FLNB: variants seen among roughly 807,000 people sequenced by gnomAD.
The protein encoded by FLNB is filamin B.
In FLNB, 111 loss-of-function variants were observed where a neutral mutation model predicts 250.6. That is an observed-to-expected ratio of 0.44 (90% confidence interval 0.38 to 0.52). The LOEUF is 0.52. FLNB is among the 20% of genes least tolerant of loss of function. FLNB has a pLI of 0.00. For missense variants in FLNB, 2,869 were observed against 3,447.8 expected, an observed-to-expected ratio of 0.83 and a Z score of 4.20; for synonymous variants, 1,302 against 1,372.1, an observed-to-expected ratio of 0.95 and a Z score of 1.13.
chr3:58,086,065 G>A (rs2097216871), intron 4 of FLNB, among the ~76,000 whole-genome samples: 1 of 151,930 alleles, frequency 6.6e-6, no homozygotes, highest in South Asian at 2.1e-4. Context: ...ATGCCATCAC[G>A]GCTAACTGCA....
chr3:58,167,552 G>C (rs934992289), intron 43 of FLNB, among the ~76,000 whole-genome samples: 2 of 152,260 alleles, frequency 1.3e-5, no homozygotes, highest in Non-Finnish European at 2.9e-5. Flanking sequence ...GGGCACTGTA[G>C]CAGGCATGCG....
At chr3:58,095,551 C>T (rs1171336717) in intron 5 of FLNB, among the ~76,000 whole-genome samples, 2 of 152,198 alleles carry the variant, frequency 1.3e-5, no homozygotes, top group Non-Finnish European at 2.9e-5. Context: ...CCACCGTGCC[C>T]AGCCTCAGTT....
intron 34 of FLNB, among the ~76,000 whole-genome samples, chr3:58,147,480 A>G (rs977769914): frequency 1.3e-5 from 2 of 152,168 alleles, no homozygotes; most frequent in African/African-American, 4.8e-5. Context: ...TGCTGTGTTC[A>G]GGTTATGCTT....
chr3:58,054,275 A>T (rs1472366593), intron 1 of FLNB, among the ~76,000 whole-genome samples: 1 of 152,226 alleles, frequency 6.6e-6, no homozygotes, highest in Non-Finnish European at 1.5e-5. Flanking sequence ...AATCAAATTT[A>T]AAATTAAGCT....
chr3:58,119,967 T>A (rs1576752358), intron 19 of FLNB, among the ~76,000 whole-genome samples: 1 of 152,266 alleles, frequency 6.6e-6, no homozygotes, highest in East Asian at 1.9e-4. Context: ...CTGTGTTTAC[T>A]GCTGAGTGGC....
chr3:58,107,011 A>ATTTGTTTGTTTGTTTG, intron 12 of FLNB, 138 bp downstream of exon 12: 1 of 727,706 alleles, frequency 1.4e-6, no homozygotes, highest in South Asian at 1.5e-5. Context: ...ACAGGCCTGC[A>ATTTGTTTGTTTGTTTG]TTTGTTTGTT....
At chr3:58,095,229 G>GTATGTATGTATTTATTTATTTATTTATT (rs140031981) in intron 5 of FLNB, among the ~76,000 whole-genome samples, 3 of 147,814 alleles carry the variant, frequency 2.0e-5, no homozygotes, top group African/African-American at 7.6e-5. Flanking sequence ...GTTTATGTAT[G>GTATGTATGTATTTATTTATTTATTTATT]TATTTATTTA....
At chr3:58,012,042 C>G (rs927646174) in intron 1 of FLNB, among the ~76,000 whole-genome samples, 1 of 152,032 alleles carries the variant, frequency 6.6e-6, no homozygotes, top group Non-Finnish European at 1.5e-5. Context: ...GAAACCCTAG[C>G]TCTACTAAAA....
chr3:58,120,956 T>G (rs542807818), intron 19 of FLNB, among the ~76,000 whole-genome samples: 11 of 152,326 alleles, frequency 7.2e-5, no homozygotes, highest in Non-Finnish European at 1.6e-4. Flanking sequence ...TGGTGAAAAT[T>G]AAGACAATAA....
At chr3:58,025,265 G>C (rs2097121978) in intron 1 of FLNB, among the ~76,000 whole-genome samples, 1 of 151,168 alleles carries the variant, frequency 6.6e-6, no homozygotes, top group Non-Finnish European at 1.5e-5. Context: ...GAGTAGCTGG[G>C]ACCACAGGCA....
chr3:58,033,110 T>C (rs1302457063), intron 1 of FLNB, among the ~76,000 whole-genome samples: 1 of 152,188 alleles, frequency 6.6e-6, no homozygotes, highest in Non-Finnish European at 1.5e-5. Flanking sequence ...CAAAAAATAT[T>C]GAGGTATAAT....
chr3:58,072,811 T>C (rs2097196511), intron 1 of FLNB, among the ~76,000 whole-genome samples: 1 of 152,242 alleles, frequency 6.6e-6, no homozygotes, highest in Admixed American at 6.5e-5. Flanking sequence ...CTGGGCATTG[T>C]ATTTTTTGTA....
intron 1 of FLNB, among the ~76,000 whole-genome samples, chr3:58,076,752 C>T (rs931073755): frequency 6.6e-6 from 1 of 152,074 alleles, no homozygotes; most frequent in African/African-American, 2.4e-5. Context: ...TGTGCCACTG[C>T]ACCTGGCCAT....
rs1299977016 is a variant in FLNB at position 58,164,319 on chromosome 3, G to A, written c.7198+989G>A. 6.6e-6 allele frequency: 1 copy of A among 152,354 alleles called. No individual in the cohort carries two copies. The highest frequency in any genetic ancestry group is 1.5e-5 in the Non-Finnish European group (1 of 68,104). 9.4% of individuals were successfully genotyped at this position (152,354 alleles called of 1,614,324 possible). On this transcript the variant is annotated intron_variant, in intron 43 of 45. Coordinates refer to ENST00000295956, the MANE Select transcript of FLNB (RefSeq NM_001457.4). This position sits in a 1 kb window ranked among gnomAD's most constrained non-coding sequence, Gnocchi z 4.0. The stretch of plus-strand genomic sequence containing the variant: ...TGCGTCACTGTTATGGAGGCTGCCA[G>A]GGTGGAGAGTCAGTCCTTAGTCTTT...
chr3:58,144,868 A>G (rs1390460113), intron 32 of FLNB, among the ~76,000 whole-genome samples: 2 of 152,186 alleles, frequency 1.3e-5, no homozygotes, highest in Admixed American at 6.5e-5. Context: ...AGACCACACA[A>G]CTTTCCCTAT....
At chr3:58,140,694 C>T (rs181572456) in intron 29 of FLNB, among the ~76,000 whole-genome samples, 219 of 152,220 alleles carry the variant, frequency 1.4e-3, no homozygotes, top group Admixed American at 4.9e-3. Flanking sequence ...CTGCAACCTC[C>T]ACCTCCTGGG....
Position 58,153,277 on chromosome 3 carries a change from A to G in FLNB, c.6368-98A>G. The G allele has an allele frequency of 2.1e-6, 3 of 1,424,584 alleles. No individual in the cohort carries two copies. In the Admixed American group the frequency reaches 5.0e-5, roughly 24 times the overall value. The allele number at this position is 1,424,584 out of a possible 1,614,324, so 88.2% of individuals were successfully genotyped here. A position where few individuals can be genotyped will look rare whatever the true frequency, so the allele number is the denominator to read the frequency against. The stretch of plus-strand genomic sequence containing the variant: ...GGGCACCTCACGTCCACCGGGCTGC[A>G]CACACCTTGCTCTCGGCTGCTTGCC... On this transcript the variant is annotated intron_variant, in intron 38 of 45. Transcript: ENST00000295956.
chr3:58,163,401 C>T (rs557138970), intron 43 of FLNB, 71 bp downstream of exon 43: 9 of 1,526,136 alleles, frequency 5.9e-6, no homozygotes, highest in Non-Finnish European at 7.2e-6. Context: ...TGGAAATCCT[C>T]AAGCCCCATG....
At position 58,111,110 on chromosome 3, in the gene FLNB, C is replaced by T. The variant is rs372298385; in HGVS notation, c.2485-681C>T. ...AATGCAGTTAGCTTCTAGATATGTT[C>T]TACTTTGATGCCTTTGAAGCAATGA... On this transcript the variant is annotated intron_variant, in intron 16 of 45. Coordinates refer to ENST00000295956, the MANE Select transcript of FLNB (RefSeq NM_001457.4). 5.3e-5 allele frequency among the ~76,000 whole-genome samples: 8 copies of T among 152,306 alleles called. No homozygotes were observed. In the South Asian group the frequency reaches 1.5e-3, roughly 28 times the overall value.
Sources: allele counts gnomAD v4.1 joint callset (sites outside exome capture counted in the v4.1 genomes callset), GRCh38; gene constraint gnomAD v4.1.1; non-coding constraint Gnocchi (gnomAD v3.1); transcripts MANE v1.5; gene names NCBI Gene and HGNC (gene_info 2026-07-23, HGNC 2026-07-21).